The following CHD2 variants were observed in gnomAD, a reference collection of about 807,000 sequenced individuals.
The protein encoded by CHD2 is ATP-dependent chromatin remodeler CHD2.
In CHD2, 28 loss-of-function variants were observed where a neutral mutation model predicts 243.9. The observed-to-expected ratio is 0.11, with a 90% CI of 0.09 to 0.16. CHD2 has a LOEUF of 0.16. Ranked by LOEUF, CHD2 falls within the 10% of genes least tolerant of loss-of-function variation. The pLI, the probability that CHD2 is intolerant of heterozygous loss-of-function variation, is 1.00. For missense variants in CHD2, 1,386 were observed against 2,209.8 expected, an observed-to-expected ratio of 0.63 and a Z score of 7.47; for synonymous variants, 775 against 779.0, an observed-to-expected ratio of 0.99 and a Z score of 0.09.
Position 92,955,643 on chromosome 15 carries a change from G to C in CHD2, c.1809+131G>C, listed in dbSNP as rs561631288. The C allele has an allele frequency of 1.2e-5, 6 of 508,338 alleles. No individual in the cohort carries two copies. In the East Asian group the frequency reaches 2.1e-4, roughly 18 times the overall value. The allele number at this position is 508,338 out of a possible 1,614,324, so 31.5% of individuals were successfully genotyped here. A position where few individuals can be genotyped will look rare whatever the true frequency, so the allele number is the denominator to read the frequency against. On this transcript the variant is annotated intron_variant, in intron 15 of 38. Transcript: ENST00000394196. ...GTTAAAAATAAAAAACAAATGGTAG[G>C]GTCTGTACCTCCTACTTGCCATGTT...
chr15:92,938,934 G>T, intron 6 of CHD2, among the ~76,000 whole-genome samples: 1 of 152,090 alleles, frequency 6.6e-6, no homozygotes, highest in East Asian at 1.9e-4. Flanking sequence ...AAAAACTTAT[G>T]TATAGTTACT....
intron 24 of CHD2, 35 bp downstream of exon 24, chr15:92,981,492 T>C (rs1287158896): frequency 6.6e-7 from 1 of 1,519,890 alleles, no homozygotes; most frequent in East Asian, 2.3e-5. Flanking sequence ...GTTCTCAGCA[T>C]TGATTCATTA....
rs1358081390 is a variant in CHD2 at position 92,997,385 on chromosome 15, G to A, written c.3867G>A (p.Glu1289=). ...GNWELIKTDP[E]LKLTDKILPV... ...GGGAGTTAATTAAAACAGACCCAGA[G>A]CTTAAATTAACTGACAAAGTAAGTA... Residue 1289 remains glutamate (E), a synonymous_variant, in exon 30 of 39, where the codon GAG becomes GAA. Transcript: ENST00000394196. The surrounding 1 kb of genome is among the most constrained non-coding windows in gnomAD (Gnocchi z 4.1). 1.9e-6 allele frequency: 3 copies of A among 1,589,188 alleles called. No individual in the cohort carries two copies. Among genetic ancestry groups the A allele is most frequent in the Non-Finnish European group, 2.6e-6 (3 of 1,171,180 alleles).
At chr15:92,936,896 G>C (rs1378226458) in intron 5 of CHD2, among the ~76,000 whole-genome samples, 4 of 151,936 alleles carry the variant, frequency 2.6e-5, no homozygotes, top group African/African-American at 4.8e-5. Context: ...TAACCGCCTA[G>C]GGTGGAGTAC....
chr15:92,905,035 T>G, intron 2 of CHD2: 3 of 1,518,436 alleles, frequency 2.0e-6, no homozygotes, highest in Non-Finnish European at 1.8e-6. Flanking sequence ...TACTATATAT[T>G]TAAGATTCAC....
Position 93,009,182 on chromosome 15 carries a change from A to G in CHD2, c.4451A>G (p.Lys1484Arg). The G allele has an allele frequency of 6.2e-7, 1 of 1,614,154 alleles. No homozygotes were observed. The highest frequency in any genetic ancestry group is 8.5e-7 in the Non-Finnish European group (1 of 1,180,032). The change falls in exon 35 of 39, where the codon AAA (lysine) becomes AGA (arginine). Residue 1484 changes from lysine (K) to arginine (R), a missense_variant. Physicochemically the swap from Lys to Arg is conservative, Grantham distance 26. This residue lies in a region of CHD2 where 22 missense variants were observed against 60.2 expected (regional missense o/e 0.37). Coordinates refer to ENST00000394196, the MANE Select transcript of CHD2 (RefSeq NM_001271.4). ...ERMRPVKKAL[K>R]QLDKPDKGLN... ...ATGAGGCCCGTGAAAAAGGCACTGA[A>G]ACAGCTCGACAAACCTGACAAGGGG...
chr15:92,915,996 A>G (rs187027456), intron 2 of CHD2, among the ~76,000 whole-genome samples: 38 of 142,390 alleles, frequency 2.7e-4, no homozygotes, highest in African/African-American at 9.6e-4. Context: ...CTGAGGCATA[A>G]ATGACTATGC....
At chr15:92,965,565 CAAAAAAAAAAA>C (rs61447848) in intron 16 of CHD2, among the ~76,000 whole-genome samples, 9 of 111,046 alleles carry the variant, frequency 8.1e-5, no homozygotes, top group African/African-American at 1.8e-4. Flanking sequence ...ACTCTTTCTC[CAAAAAAAAAAA>C]AAAAAAAAAA....
At chr15:92,950,909 T>G (rs533808588) in intron 13 of CHD2, among the ~76,000 whole-genome samples, 69 of 152,264 alleles carry the variant, frequency 4.5e-4, no homozygotes, top group Non-Finnish European at 7.9e-4. Context: ...AATACTCAGT[T>G]GTGAAAATTA....
At chr15:92,941,760 T>A in intron 7 of CHD2, 62 bp from the exon 8 acceptor site, 1 of 1,516,032 alleles carries the variant, frequency 6.6e-7, no homozygotes, top group South Asian at 1.2e-5. Context: ...GTGACGGTTA[T>A]GTGTGGCAGT....
At chr15:92,991,317 AC>A in intron 26 of CHD2, 158 bp from the exon 27 acceptor site, 1 of 499,878 alleles carries the variant, frequency 2.0e-6, no homozygotes, top group Non-Finnish European at 3.5e-6. Context: ...AGTTTCAAAG[AC>A]ATTCAACATT....
chr15:92,978,936 CTG>C (rs1567150138), intron 21 of CHD2, among the ~76,000 whole-genome samples, 197 bp from the exon 22 acceptor site: 1 of 152,182 alleles, frequency 6.6e-6, no homozygotes, highest in Non-Finnish European at 1.5e-5. Flanking sequence ...TTATTTAAGA[CTG>C]TAACCTGCTG....
intron 2 of CHD2, among the ~76,000 whole-genome samples, chr15:92,908,119 C>G (rs1275271209): frequency 6.8e-6 from 1 of 146,856 alleles, no homozygotes; most frequent in African/African-American, 2.5e-5. Context: ...GCCAGTTAGT[C>G]TGAGTAGATA....
chr15:92,934,814 G>A (rs933427871), intron 5 of CHD2, among the ~76,000 whole-genome samples: 2 of 152,052 alleles, frequency 1.3e-5, no homozygotes, highest in African/African-American at 4.8e-5. Flanking sequence ...CACACACTTA[G>A]GCCTTTTAAA....
intron 37 of CHD2, among the ~76,000 whole-genome samples, chr15:93,018,985 T>G (rs553970688): frequency 3.0e-4 from 45 of 152,360 alleles, no homozygotes; most frequent in African/African-American, 1.1e-3. Context: ...CCTGGACTTC[T>G]GTGTCTTCAC....
At chr15:93,020,662 C>T (rs547534060) in intron 38 of CHD2, 2 of 323,742 alleles carry the variant, frequency 6.2e-6, no homozygotes, top group South Asian at 5.7e-5. Flanking sequence ...TCTGAAGCTG[C>T]ACCCTCTTTA....
chr15:92,908,746 C>T (rs981565782), intron 2 of CHD2, among the ~76,000 whole-genome samples: 5 of 152,032 alleles, frequency 3.3e-5, no homozygotes, highest in African/African-American at 9.7e-5. Context: ...AGGATGCTGA[C>T]GGGGAATTGT....
chr15:92,932,226 A>T (rs1306046959), intron 5 of CHD2, among the ~76,000 whole-genome samples: 1 of 150,650 alleles, frequency 6.6e-6, no homozygotes, highest in Non-Finnish European at 1.5e-5. Flanking sequence ...GTCTTTCATA[A>T]TATTTTTCCA....
At chr15:93,014,672 C>T (rs1480866121) in intron 36 of CHD2, 24 bp from the exon 37 acceptor site, 2 of 1,606,222 alleles carry the variant, frequency 1.2e-6, no homozygotes, top group African/African-American at 2.7e-5. Context: ...TCTTGAGCTT[C>T]TTTGGTTTCC....
Sources: allele counts gnomAD v4.1 joint callset (sites outside exome capture counted in the v4.1 genomes callset), GRCh38; gene constraint gnomAD v4.1.1; regional missense constraint gnomAD v4.1.1; non-coding constraint Gnocchi (gnomAD v3.1); transcripts MANE v1.5; gene names NCBI Gene and HGNC (gene_info 2026-07-23, HGNC 2026-07-21).